STXBP6: variants seen among roughly 807,000 people sequenced by gnomAD.
The protein encoded by STXBP6 is syntaxin-binding protein 6.
Under a neutral mutation model 26.9 loss-of-function variants are expected in STXBP6, and 21 were observed. That is an observed-to-expected ratio of 0.78 (90% CI 0.55 to 1.12). The LOEUF (loss-of-function observed/expected upper bound fraction) is 1.12, where lower values mean the gene tolerates loss of function less well. Ranked by LOEUF, STXBP6 falls within the 50% of genes most tolerant of loss-of-function variation. The probability of loss-of-function intolerance (pLI) is 0.00; values close to 1 mark genes in which losing one functional copy is unlikely to be tolerated. For synonymous variants in STXBP6, 97 were observed against 92.6 expected (o/e 1.05, Z -0.27); for missense variants, 232 against 257.9 (o/e 0.90, Z 0.69).
chr14:24,819,092 T>G lies in STXBP6; in HGVS notation c.554A>C (p.Glu185Ala), dbSNP rs764226326. Residue 185 changes from glutamate (E) to alanine (A), a missense_variant, in exon 5 of 6, where the codon GAG becomes GCG. By Grantham distance (107) the Glu-to-Ala change is moderately radical (BLOSUM62 -1). Coordinates refer to ENST00000323944, the MANE Select transcript of STXBP6 (RefSeq NM_001394410.1). ...GCTGTTCTTCAGGTCTTCTGTCTTCTCCTCTGCTCGGCCTAATCGCTCTCC... is the reference window on the plus strand; with the variant it reads ...GCTGTTCTTCAGGTCTTCTGTCTTCGCCTCTGCTCGGCCTAATCGCTCTCC... Reference protein sequence around the residue: ...ERGERLGRAEEKTEDLKNSAQ... With the variant: ...ERGERLGRAEAKTEDLKNSAQ... 2 of 1,613,634 alleles carry G rather than the reference T, an allele frequency of 1.2e-6. No homozygotes were observed. The highest frequency in any genetic ancestry group is 2.7e-5 in the African/African-American group (2 of 74,936).
chr14:24,881,325 T>C (rs902004822), intron 2 of STXBP6, among the ~76,000 whole-genome samples: 3 of 152,234 alleles, frequency 2.0e-5, no homozygotes, highest in African/African-American at 4.8e-5. Flanking sequence ...AGATGTAGTT[T>C]ACATTGGAAT....
intron 1 of STXBP6, among the ~76,000 whole-genome samples, chr14:25,007,338 G>A (rs114467024): frequency 8.8e-4 from 134 of 152,294 alleles, no homozygotes; most frequent in African/African-American, 2.4e-3. Context: ...GCTAAGAGGC[G>A]TGGGGTAAAT....
intron 2 of STXBP6, among the ~76,000 whole-genome samples, chr14:24,942,755 T>G (rs1403058304): frequency 6.6e-6 from 1 of 152,102 alleles, no homozygotes; most frequent in East Asian, 1.9e-4. Context: ...ATAAAGGGGG[T>G]GGTTCATGCC....
Position 24,913,495 on chromosome 14 carries a change from TACA to T in STXBP6, c.155-56341_155-56339del, listed in dbSNP as rs570747718. On this transcript the variant is annotated intron_variant, in intron 2 of 5. Coordinates refer to ENST00000323944, the MANE Select transcript of STXBP6 (RefSeq NM_001394410.1). Reference sequence around the variant, plus strand: ...TCAACCACAAAAATTAAATTAACAATACAACAACAACAACAACAACAAAGAATG... The same window carrying T: ...TCAACCACAAAAATTAAATTAACAATACAACAACAACAACAACAAAGAATG... 1.6e-3 allele frequency among the ~76,000 whole-genome samples: 239 copies of T among 151,834 alleles called. 2 individuals are homozygous for T. The highest frequency in any genetic ancestry group is 5.4e-3 in the African/African-American group (222 of 41,398).
chr14:24,937,254 T>C (rs1178897926), intron 2 of STXBP6, among the ~76,000 whole-genome samples: 1 of 152,206 alleles, frequency 6.6e-6, no homozygotes, highest in Non-Finnish European at 1.5e-5. Flanking sequence ...AACCTGCACG[T>C]TCTGCACACG....
chr14:24,877,844 C>A (rs1193863823), intron 2 of STXBP6, among the ~76,000 whole-genome samples: 1 of 152,166 alleles, frequency 6.6e-6, no homozygotes, highest in East Asian at 1.9e-4. Context: ...CACTGGCCTT[C>A]TATAAGCAAT....
chr14:25,030,477 C>G (rs538799488), intron 1 of STXBP6, among the ~76,000 whole-genome samples: 2 of 152,292 alleles, frequency 1.3e-5, no homozygotes, highest in East Asian at 3.9e-4. Context: ...AATCATGACT[C>G]TAAGACCTTG....
chr14:24,901,201 G>A (rs2071199469), intron 2 of STXBP6, among the ~76,000 whole-genome samples: 1 of 151,646 alleles, frequency 6.6e-6, no homozygotes, highest in Non-Finnish European at 1.5e-5. Flanking sequence ...ACTAGTAGAA[G>A]TTATATTATT....
Position 24,857,055 on chromosome 14 carries a change from C to T in STXBP6, c.257G>A (p.Arg86His), listed in dbSNP as rs765811816. ...RRSQWMLEQL[R>H]QVNGIDPNGD... ...ATTAGGATCGATACCATTAACCTGG[C>T]GAAGCTGCTCGAGCATCCACTGTGA... is the stretch of plus-strand genomic sequence containing the variant. The change falls in exon 3 of 6, where the codon CGC becomes CAC. Residue 86 changes from arginine (R) to histidine (H), a missense_variant. By Grantham distance (29) the Arg-to-His change is conservative. Coordinates refer to ENST00000323944, the MANE Select transcript of STXBP6 (RefSeq NM_001394410.1). The T allele has an allele frequency of 5.0e-6, 8 of 1,612,904 alleles. No individual in the cohort carries two copies. The highest frequency in any genetic ancestry group is 1.1e-5 in the South Asian group (1 of 91,050).
intron 2 of STXBP6, among the ~76,000 whole-genome samples, chr14:24,887,832 GA>G (rs977960934): frequency 3.9e-5 from 6 of 152,190 alleles, no homozygotes; most frequent in Non-Finnish European, 7.3e-5. Flanking sequence ...TCAGCGTAAA[GA>G]ATACATTTTT....
At chr14:24,945,654 AG>A (rs1216349991) in intron 2 of STXBP6, among the ~76,000 whole-genome samples, 1 of 152,166 alleles carries the variant, frequency 6.6e-6, no homozygotes, top group Admixed American at 6.5e-5. Context: ...GCTCATAAAC[AG>A]ATAGATGAGC....
intron 2 of STXBP6, among the ~76,000 whole-genome samples, chr14:24,956,996 T>TACAC (rs890989979): frequency 6.6e-6 from 1 of 152,054 alleles, no homozygotes; most frequent in Non-Finnish European, 1.5e-5. Context: ...TGCACCCCTC[T>TACAC]ACACACACAC....
intron 2 of STXBP6, among the ~76,000 whole-genome samples, chr14:24,873,556 T>C (rs2070019533): frequency 6.6e-6 from 1 of 152,184 alleles, no homozygotes; most frequent in African/African-American, 2.4e-5. Flanking sequence ...GTGATTGGTT[T>C]GGGATTCTAA....
intron 5 of STXBP6, 65 bp from the exon 6 acceptor site, chr14:24,812,797 T>C: frequency 6.6e-7 from 1 of 1,515,404 alleles, no homozygotes; most frequent in Non-Finnish European, 9.2e-7. Context: ...GAGATTTCAC[T>C]GTGCTGCTCC....
chr14:24,906,505 G>C (rs978716708), intron 2 of STXBP6, among the ~76,000 whole-genome samples: 6 of 152,150 alleles, frequency 3.9e-5, no homozygotes, highest in Non-Finnish European at 7.4e-5. Flanking sequence ...AATTTCAAAT[G>C]CAGAGTACTG....
intron 2 of STXBP6, among the ~76,000 whole-genome samples, chr14:24,877,473 C>T (rs1376593820): frequency 6.6e-6 from 1 of 152,140 alleles, no homozygotes. Context: ...CTCATTTCCT[C>T]CCTTTCTTAC....
intron 2 of STXBP6, among the ~76,000 whole-genome samples, chr14:24,940,741 C>T (rs77876508): frequency 0.025 from 3,740 of 152,230 alleles, 80 homozygotes; most frequent in East Asian, 0.11. Context: ...CTGGCCTTGC[C>T]GAGGTGGCTC....
At chr14:24,920,371 C>G (rs1464736681) in intron 2 of STXBP6, among the ~76,000 whole-genome samples, 1 of 151,952 alleles carries the variant, frequency 6.6e-6, no homozygotes, top group Non-Finnish European at 1.5e-5. Flanking sequence ...AAAATATTTA[C>G]TCATAAAATA....
At chr14:25,033,365 C>A (rs1048681296) in intron 1 of STXBP6, among the ~76,000 whole-genome samples, 3 of 152,234 alleles carry the variant, frequency 2.0e-5, no homozygotes, top group African/African-American at 7.2e-5. Flanking sequence ...GCAAAAACTT[C>A]TAAACTGGTC....
Sources: gnomAD v4.1 joint callset for allele counts (sites outside exome capture counted in the v4.1 genomes callset) on GRCh38, gnomAD v4.1.1 for gene constraint, MANE v1.5 for transcripts, NCBI Gene and HGNC (gene_info 2026-07-23, HGNC 2026-07-21) for gene names.